Variants in C11orf65 observed in about 807,000 individuals in gnomAD.
C11orf65 encodes the protein protein MFI.
A neutral mutation model predicts 35.3 loss-of-function variants in C11orf65; 38 were observed. The observed-to-expected ratio is 1.08, with a 90% confidence interval of 0.83 to 1.41. The LOEUF is 1.41. Among genes scored for constraint, C11orf65 ranks in the 40% most tolerant of loss-of-function variants. The pLI is 0.00. For synonymous variants in C11orf65, 105 were observed against 114.4 expected (o/e 0.92, Z 0.53); for missense variants, 370 against 367.1 (o/e 1.01, Z -0.06).
chr11:108,326,027 T>G (rs2136329740), intron 6 of C11orf65: 1 of 1,608,960 alleles, frequency 6.2e-7, no homozygotes, highest in Non-Finnish European at 8.5e-7. Flanking sequence ...GTAGTAAAAG[T>G]ATTTATTCCC....
intron 2 of C11orf65, among the ~76,000 whole-genome samples, chr11:108,448,169 G>A (rs1041464759): frequency 2.0e-5 from 3 of 152,154 alleles, no homozygotes; most frequent in Non-Finnish European, 4.4e-5. Context: ...AAAAGTCCAG[G>A]ACCAGATGGA....
chr11:108,422,434 C>T (rs1470521099), intron 3 of C11orf65, among the ~76,000 whole-genome samples: 2 of 152,096 alleles, frequency 1.3e-5, no homozygotes, highest in South Asian at 2.1e-4. Flanking sequence ...GTAATAGTTA[C>T]GACAACAGTA....
At chr11:108,330,096 CT>C, downstream of C11orf65, 1 of 1,114,968 alleles carries the variant, frequency 9.0e-7, no homozygotes, top group Non-Finnish European at 1.3e-6. Context: ...TAGAAGTTTG[CT>C]TTTTTCCCTG....
Position 108,397,029 on chromosome 11 carries a change from G to A in C11orf65, c.561-3651C>T, listed in dbSNP as rs1278124497. ...AAACAAACTAATGATCTTTTAAAAA[G>A]ACCTAAAATTGGCTAGGGTGGTGGC... On this transcript the variant is annotated intron_variant, in intron 6 of 8. Transcript: ENST00000393084. 4.0e-5 allele frequency among the ~76,000 whole-genome samples: 6 copies of A among 151,702 alleles called. No individual in the cohort carries two copies. The East Asian group carries it at 1.2e-3, about 29-fold the overall frequency.
At chr11:108,311,723 A>C (rs1310859282) in intron 6 of C11orf65, among the ~76,000 whole-genome samples, 1 of 152,150 alleles carries the variant, frequency 6.6e-6, no homozygotes, top group Admixed American at 6.5e-5. Flanking sequence ...AAAATTAAGA[A>C]ACTGGAATAT....
intron 2 of C11orf65, among the ~76,000 whole-genome samples, chr11:108,453,487 G>C (rs1016244085): frequency 2.6e-5 from 4 of 152,060 alleles, no homozygotes; most frequent in African/African-American, 7.2e-5. Context: ...AAATCCAACT[G>C]TATTTTGTTT....
At position 108,332,356 on chromosome 11, in the gene C11orf65, C is replaced by T. The variant is rs540729637; in HGVS notation, c.300-789G>A. ...CTGAGGCAGGAGAATCACTTGAACT[C>T]GGGAGGCGGAGGTTGCAGTGAGCCA... is the stretch of plus-strand genomic sequence containing the variant. On this transcript the variant is annotated intron_variant, in intron 3 of 3. Transcript: ENST00000524755. 9.2e-5 allele frequency among the ~76,000 whole-genome samples: 14 copies of T among 152,164 alleles called. No homozygotes were observed. The South Asian group carries it at 2.1e-3, about 23-fold the overall frequency.
At chr11:108,311,085 A>C (rs949099223) in intron 6 of C11orf65, among the ~76,000 whole-genome samples, 5 of 152,128 alleles carry the variant, frequency 3.3e-5, no homozygotes, top group African/African-American at 1.2e-4. Context: ...CTCCTGCCTC[A>C]GCCTCCAAGT....
chr11:108,375,282 G>A (rs1017281701), intron 2 of C11orf65, among the ~76,000 whole-genome samples: 33 of 151,472 alleles, frequency 2.2e-4, no homozygotes, highest in African/African-American at 2.0e-4. Flanking sequence ...GACTAACAGC[G>A]GATCTTGGCA....
intron 2 of C11orf65, among the ~76,000 whole-genome samples, chr11:108,364,415 G>A (rs775045077): frequency 3.9e-5 from 6 of 152,104 alleles, no homozygotes; most frequent in South Asian, 4.1e-4. Context: ...TAAAATTTAC[G>A]ACCTAAAGCT....
At chr11:108,439,607 T>C (rs1472933502) in intron 2 of C11orf65, among the ~76,000 whole-genome samples, 1 of 152,218 alleles carries the variant, frequency 6.6e-6, no homozygotes, top group Non-Finnish European at 1.5e-5. Flanking sequence ...AAATACAATG[T>C]AGCATATAGA....
chr11:108,350,567 T>A (rs1333810474), intron 2 of C11orf65, among the ~76,000 whole-genome samples: 1 of 152,190 alleles, frequency 6.6e-6, no homozygotes, highest in African/African-American at 2.4e-5. Context: ...ATTATATGGT[T>A]TTCCCCAGAA....
chr11:108,446,449 C>T (rs1325119654), intron 2 of C11orf65, among the ~76,000 whole-genome samples: 1 of 151,646 alleles, frequency 6.6e-6, no homozygotes, highest in African/African-American at 2.4e-5. Flanking sequence ...AGAAACTCTA[C>T]AAGCCAGAAG....
chr11:108,392,246 T>C (rs780549027), intron 7 of C11orf65, among the ~76,000 whole-genome samples: 7 of 152,048 alleles, frequency 4.6e-5, no homozygotes, highest in Non-Finnish European at 1.0e-4. Context: ...GGGGTCTCGC[T>C]ATGTTGCCCA....
At chr11:108,443,416 C>T (rs2093192753) in intron 2 of C11orf65, among the ~76,000 whole-genome samples, 1 of 152,088 alleles carries the variant, frequency 6.6e-6, no homozygotes, top group African/African-American at 2.4e-5. Context: ...GACAGATCAA[C>T]GAAACAGAAG....
upstream of C11orf65, among the ~76,000 whole-genome samples, chr11:108,468,226 A>G (rs1413298412): frequency 1.3e-5 from 2 of 152,342 alleles, no homozygotes; most frequent in Non-Finnish European, 2.9e-5. Flanking sequence ...CTCAAGGTCA[A>G]AGAATACGTG....
At chr11:108,372,764 C>A (rs1443900284) in intron 2 of C11orf65, among the ~76,000 whole-genome samples, 1 of 152,096 alleles carries the variant, frequency 6.6e-6, no homozygotes, top group African/African-American at 2.4e-5. Flanking sequence ...TTTTATGAAG[C>A]CAGCATACTC....
chr11:108,332,092 G>C (rs2136534234), intron 3 of C11orf65: 1 of 1,595,240 alleles, frequency 6.3e-7, no homozygotes. Flanking sequence ...GTCTTTCCTA[G>C]AATATTTCTT....
intron 2 of C11orf65, among the ~76,000 whole-genome samples, chr11:108,434,029 G>T (rs982563787): frequency 5.3e-5 from 8 of 152,162 alleles, no homozygotes; most frequent in African/African-American, 1.9e-4. Context: ...CTCCAGATGG[G>T]CACCAAGTGA....
Sources: gnomAD v4.1 joint callset for allele counts (sites outside exome capture counted in the v4.1 genomes callset) on GRCh38, gnomAD v4.1.1 for gene constraint, MANE v1.5 for transcripts, NCBI Gene and HGNC (gene_info 2026-07-23, HGNC 2026-07-21) for gene names.